The following PTPRZ1 variants were observed in gnomAD, a reference collection of about 807,000 sequenced individuals.
PTPRZ1 encodes the protein protein tyrosine phosphatase receptor type Z1.
A neutral mutation model predicts 214.1 loss-of-function variants in PTPRZ1; 82 were observed. The ratio of observed to expected loss-of-function variants is 0.38; its 90% confidence interval spans 0.32 to 0.46. The LOEUF (loss-of-function observed/expected upper bound fraction) is 0.46. Among genes scored for constraint, PTPRZ1 ranks in the 20% least tolerant of loss-of-function variants. The pLI is 1.00. For missense variants in PTPRZ1, 2,603 were observed against 2,748.7 expected (o/e 0.95, Z 1.19); for synonymous variants, 945 against 987.9 (o/e 0.96, Z 0.81).
intron 6 of PTPRZ1, among the ~76,000 whole-genome samples, chr7:121,978,293 A>G (rs766584089): frequency 1.3e-5 from 2 of 152,168 alleles, no homozygotes; most frequent in African/African-American, 2.4e-5. Context: ...GACGGATTCT[A>G]GTCCTTTACC....
intron 1 of PTPRZ1, among the ~76,000 whole-genome samples, chr7:121,925,471 T>C (rs1795727116): frequency 1.3e-5 from 2 of 152,238 alleles, no homozygotes; most frequent in South Asian, 4.1e-4. Context: ...AAGTGTCTAT[T>C]ACTTGATGAA....
At chr7:122,001,965 G>T (rs879804655) in intron 10 of PTPRZ1, among the ~76,000 whole-genome samples, 2 of 152,084 alleles carry the variant, frequency 1.3e-5, no homozygotes, top group African/African-American at 4.8e-5. Context: ...TATTGGTAGT[G>T]CCTGACTCAA....
intron 1 of PTPRZ1, among the ~76,000 whole-genome samples, chr7:121,906,760 C>T (rs1795128922): frequency 6.6e-6 from 1 of 152,152 alleles, no homozygotes; most frequent in African/African-American, 2.4e-5. Context: ...ATCATGTGGA[C>T]AGTGGCTTGC....
chr7:122,032,626 C>T (rs1485093603), intron 15 of PTPRZ1, among the ~76,000 whole-genome samples: 1 of 152,076 alleles, frequency 6.6e-6, no homozygotes, highest in Non-Finnish European at 1.5e-5. Flanking sequence ...CCCACTGCAC[C>T]CAGCAGTTGC....
At chr7:121,996,925 AC>A (rs1204793462) in intron 9 of PTPRZ1, among the ~76,000 whole-genome samples, 1 of 152,174 alleles carries the variant, frequency 6.6e-6, no homozygotes, top group African/African-American at 2.4e-5. Context: ...GTCTTCCATT[AC>A]GCTATATCAG....
At chr7:122,008,085 G>C (rs1007342699) in intron 11 of PTPRZ1, among the ~76,000 whole-genome samples, 3 of 151,914 alleles carry the variant, frequency 2.0e-5, no homozygotes, top group African/African-American at 7.2e-5. Flanking sequence ...ATAAGAAGAG[G>C]TGTGTAGCAT....
Position 121,972,599 on chromosome 7 carries a change from T to G in PTPRZ1, c.363T>G (p.Phe121Leu). 3 of 1,613,642 alleles carry G rather than the reference T, an allele frequency of 1.9e-6. No homozygotes were observed. The highest frequency in any genetic ancestry group is 2.5e-6 in the Non-Finnish European group (3 of 1,179,728). Residue 121 changes from phenylalanine to leucine, a missense_variant, in exon 4 of 30, where the codon TTT becomes TTG. Around this residue, in one of 6 missense-constraint regions of PTPRZ1, gnomAD observed 141 missense variants for 143.7 expected, o/e 0.98. Transcript: ENST00000393386. ...GCGGAGGAGTTTCAGAAATGGTGTT[T>G]AAAGCAAGCAAGATAACTTTTCACT... Reference protein sequence around the residue: ...RVSGGVSEMVFKASKITFHWG... With the variant: ...RVSGGVSEMVLKASKITFHWG...
chr7:121,973,348 G>T (rs568592588), intron 4 of PTPRZ1, among the ~76,000 whole-genome samples: 1 of 152,050 alleles, frequency 6.6e-6, no homozygotes, highest in East Asian at 1.9e-4. Context: ...CTCATGATAA[G>T]GTATTAATGG....
Position 121,899,141 on chromosome 7 carries a change from T to A in PTPRZ1, c.58+25584T>A, listed in dbSNP as rs139443862. ...TGTAGTTTCAAAAGCCCTTCAGTAC[T>A]AATGGATTTTTTTTTAAAACTAGTT... On this transcript the variant is annotated intron_variant, in intron 1 of 29. Transcript: ENST00000393386. 5.1e-3 allele frequency among the ~76,000 whole-genome samples: 784 copies of A among 152,306 alleles called. 2 individuals carry two copies. The highest frequency in any genetic ancestry group is 0.02 in the South Asian group (95 of 4,826).
chr7:121,906,327 G>A (rs1563011123), intron 1 of PTPRZ1, among the ~76,000 whole-genome samples: 1 of 152,142 alleles, frequency 6.6e-6, no homozygotes, highest in Non-Finnish European at 1.5e-5. Context: ...GCATGTGGGT[G>A]TGTATTGCTC....
At chr7:121,990,858 G>C (rs1797939343) in intron 8 of PTPRZ1, among the ~76,000 whole-genome samples, 1 of 152,044 alleles carries the variant, frequency 6.6e-6, no homozygotes. Flanking sequence ...TAAATAATGA[G>C]TACTACATGT....
At chr7:122,018,086 GC>G (rs1019270887) in intron 12 of PTPRZ1, among the ~76,000 whole-genome samples, 3 of 152,160 alleles carry the variant, frequency 2.0e-5, no homozygotes, top group Non-Finnish European at 4.4e-5. Flanking sequence ...CATCAGAAGT[GC>G]CAAGTGCATA....
chr7:121,891,887 G>A (rs1794637167), intron 1 of PTPRZ1, among the ~76,000 whole-genome samples: 1 of 152,052 alleles, frequency 6.6e-6, no homozygotes, highest in South Asian at 2.1e-4. Context: ...CTGCACTACA[G>A]CAGAGAAGAA....
chr7:121,934,877 A>T (rs1796028091), intron 2 of PTPRZ1, among the ~76,000 whole-genome samples: 1 of 152,220 alleles, frequency 6.6e-6, no homozygotes, highest in Non-Finnish European at 1.5e-5. Context: ...GTGGAGGCTG[A>T]ACAGGGTTCA....
At chr7:122,033,198 ATTAGC>A (rs1237123990) in intron 15 of PTPRZ1, among the ~76,000 whole-genome samples, 1 of 152,076 alleles carries the variant, frequency 6.6e-6, no homozygotes, top group Non-Finnish European at 1.5e-5. Flanking sequence ...TAACTGAATA[ATTAGC>A]TTAGTAACTA....
At position 121,873,574 on chromosome 7, in the gene PTPRZ1, C is replaced by A; in HGVS notation, c.58+17C>A. ...GCCGCCTGGGTGAGTGAGAAGAGCTCGGTGGGGTTTCAGCTCCGGGATCGG... is the reference window on the plus strand; with the variant it reads ...GCCGCCTGGGTGAGTGAGAAGAGCTAGGTGGGGTTTCAGCTCCGGGATCGG... On this transcript the variant is annotated intron_variant, in intron 1 of 29. Coordinates refer to ENST00000393386, the MANE Select transcript of PTPRZ1 (RefSeq NM_002851.3). The A allele has an allele frequency of 1.2e-6, 2 of 1,613,188 alleles. No individual in the cohort carries two copies. The highest frequency in any genetic ancestry group is 1.7e-6 in the Non-Finnish European group (2 of 1,179,860).
At chr7:121,932,800 G>T (rs1190498013) in intron 2 of PTPRZ1, among the ~76,000 whole-genome samples, 1 of 152,088 alleles carries the variant, frequency 6.6e-6, no homozygotes, top group Non-Finnish European at 1.5e-5. Flanking sequence ...ATCCCCGCTG[G>T]CTACCAGATG....
chr7:122,048,750 A>G (rs531351450), intron 23 of PTPRZ1, among the ~76,000 whole-genome samples: 130 of 152,304 alleles, frequency 8.5e-4, no homozygotes, highest in African/African-American at 3.1e-3. Context: ...AGCTGCCTAA[A>G]ATCCCACCTT....
chr7:121,948,354 G>T (rs1796450319), intron 2 of PTPRZ1, among the ~76,000 whole-genome samples: 1 of 152,286 alleles, frequency 6.6e-6, no homozygotes, highest in Middle Eastern at 3.4e-3. Flanking sequence ...GGTGGCTCAT[G>T]CCTGTTATCC....
Sources: gnomAD v4.1 joint callset for allele counts (sites outside exome capture counted in the v4.1 genomes callset) on GRCh38, gnomAD v4.1.1 for gene constraint, gnomAD v4.1.1 regional missense constraint, MANE v1.5 for transcripts, NCBI Gene and HGNC (gene_info 2026-07-23, HGNC 2026-07-21) for gene names.